POM121L12: variants seen among roughly 807,000 people sequenced by gnomAD.
POM121L12 encodes the protein POM121-like protein 12.
For synonymous variants in POM121L12, 251 were observed against 179.2 expected, an observed-to-expected ratio of 1.40 and a Z score of -3.20; for missense variants, 553 against 409.2, an observed-to-expected ratio of 1.35 and a Z score of -3.03.
rs183972683 is a variant in POM121L12 at position 53,036,923 on chromosome 7, G to A, written c.*361G>A. ...TTGATCTTATTAAAAACATTTGTCT[G>A]CAGAAAATCTATTTATAATAATAAC... On this transcript the variant is annotated 3_prime_UTR_variant, in exon 1 of 1. Transcript: ENST00000408890. 3.6e-4 allele frequency: 78 copies of A among 219,692 alleles called. No individual in the cohort carries two copies. Among genetic ancestry groups the A allele is most frequent in the Non-Finnish European group, 5.9e-4 (63 of 106,790 alleles). The allele number at this position is 219,692 out of a possible 1,614,324, so 13.6% of individuals were successfully genotyped here. A position where few individuals can be genotyped will look rare whatever the true frequency, so the allele number is the denominator to read the frequency against.
rs193120562 is a variant in POM121L12 at position 53,036,175 on chromosome 7, G to A, written c.504G>A (p.Glu168=). ...ARPAGRPAAQ[E]LLDPCTRETL... ...CCGCAGGCCGCCCCGCCGCCCAGGAGCTCCTGGACCCCTGCACCCGGGAGA... is the reference window on the plus strand; with the variant it reads ...CCGCAGGCCGCCCCGCCGCCCAGGAACTCCTGGACCCCTGCACCCGGGAGA... Residue 168 remains glutamate (E), a synonymous_variant, in exon 1 of 1, where the codon GAG becomes GAA. Transcript: ENST00000408890. The A allele has an allele frequency of 2.5e-5, 41 of 1,610,416 alleles. No homozygotes were observed. The African/African-American group carries it at 4.7e-4, about 18-fold the overall frequency.
Position 53,035,812 on chromosome 7 carries a change from G to A in POM121L12, c.141G>A (p.Gln47=). 1.2e-6 allele frequency: 2 copies of A among 1,613,666 alleles called. No individual in the cohort carries two copies. The highest frequency in any genetic ancestry group is 2.2e-5 in the South Asian group (2 of 91,076). The part of the protein sequence containing the change: ...PSTPQTTPSP[Q]GRQSPWPLRS... ...CGCCCCAGACCACGCCATCTCCCCA[G>A]GGTCGCCAGAGTCCCTGGCCCCTGA... Residue 47 remains glutamine, a synonymous_variant, in exon 1 of 1, where the codon CAG becomes CAA. Coordinates refer to ENST00000408890, the MANE Select transcript of POM121L12 (RefSeq NM_182595.4).
At position 53,035,895 on chromosome 7, in the gene POM121L12, CCCACCTCAT is replaced by C. The variant is rs776922820; in HGVS notation, c.226_234del (p.His76_Ile78del). 6.2e-7 allele frequency: 1 copy of C among 1,613,130 alleles called. No individual in the cohort carries two copies. The highest frequency in any genetic ancestry group is 1.3e-5 in the African/African-American group (1 of 74,914). On this transcript the variant is annotated inframe_deletion, in exon 1 of 1. Coordinates refer to ENST00000408890, the MANE Select transcript of POM121L12 (RefSeq NM_182595.4). Reference sequence around the variant, plus strand: ...CAGTGGGGGCGCCCGGTGCCCAGCACCCACCTCATCGAGGTGCGGCCCACCCAGGACCCC... The same window carrying C: ...CAGTGGGGGCGCCCGGTGCCCAGCACCGAGGTGCGGCCCACCCAGGACCCC...
At position 53,036,426 on chromosome 7, in the gene POM121L12, G is replaced by T. The variant is rs1396437335; in HGVS notation, c.755G>T (p.Trp252Leu). 2 of 1,613,718 alleles carry T rather than the reference G, an allele frequency of 1.2e-6. No individual in the cohort carries two copies. Among genetic ancestry groups the T allele is most frequent in the South Asian group, 1.1e-5 (1 of 91,082 alleles). ...AGCCTCAGTTTTTGTGATGATGCTT[G>T]GCCTTCCGTGCTGGTCCAGCCCGCC... ...PWSLSFCDDA[W>L]PSVLVQPAPS... is the part of the protein sequence containing the mutation. The change falls in exon 1 of 1, where the codon TGG (tryptophan) becomes TTG (leucine). Residue 252 changes from tryptophan to leucine, a missense_variant. Physicochemically the swap from Trp to Leu is moderately conservative, Grantham distance 61. Transcript: ENST00000408890.
At position 53,036,448 on chromosome 7, in the gene POM121L12, C is replaced by T. The variant is rs375344700; in HGVS notation, c.777C>T (p.Pro259=). The T allele has an allele frequency of 7.1e-5, 115 of 1,613,706 alleles. 1 individual carries two copies. The South Asian group carries it at 9.2e-4, about 13-fold the overall frequency. The change falls in exon 1 of 1, where the codon CCC becomes CCT. Residue 259 remains proline, a synonymous_variant. Transcript: ENST00000408890. ...CTTGGCCTTCCGTGCTGGTCCAGCC[C>T]GCCCCATCCGCCATCTGGGACTTCT... ...DDAWPSVLVQ[P]APSAIWDFWE...
Position 53,036,298 on chromosome 7 carries a change from C to A in POM121L12, c.627C>A (p.Asn209Lys), listed in dbSNP as rs199551558. ...EVSDSKGGRR[N>K]LQPRPSAFKP... Reference sequence around the variant, plus strand: ...CAGACAGCAAGGGTGGCAGGCGGAACCTGCAGCCCCGGCCCTCTGCCTTCA... The same window carrying A: ...CAGACAGCAAGGGTGGCAGGCGGAAACTGCAGCCCCGGCCCTCTGCCTTCA... The change falls in exon 1 of 1, where the codon AAC (asparagine) becomes AAA (lysine). Residue 209 changes from asparagine (N) to lysine (K), a missense_variant. Physicochemically the swap from Asn to Lys is moderately conservative, Grantham distance 94 (BLOSUM62 0). Coordinates refer to ENST00000408890, the MANE Select transcript of POM121L12 (RefSeq NM_182595.4). 1.5e-4 allele frequency: 243 copies of A among 1,614,094 alleles called. No individual in the cohort carries two copies. The African/African-American group carries it at 2.6e-3, about 17-fold the overall frequency.
Position 53,035,906 on chromosome 7 carries a change from G to C in POM121L12, c.235G>C (p.Glu79Gln), listed in dbSNP as rs764722281. 2.0e-5 allele frequency: 33 copies of C among 1,612,878 alleles called. No individual in the cohort carries two copies. Among genetic ancestry groups the C allele is most frequent in the Non-Finnish European group, 2.8e-5 (33 of 1,179,744 alleles). ...GRPVPSTHLI[E>Q]VRPTQDPAKP... ...CCCGGTGCCCAGCACCCACCTCATC[G>C]AGGTGCGGCCCACCCAGGACCCCGC... Residue 79 changes from glutamate to glutamine, a missense_variant, in exon 1 of 1, where the codon GAG becomes CAG. Coordinates refer to ENST00000408890, the MANE Select transcript of POM121L12 (RefSeq NM_182595.4).
At position 53,035,663 on chromosome 7, in the gene POM121L12, C is replaced by A. The variant is rs563068027; in HGVS notation, c.-9C>A. 6.4e-7 allele frequency: 1 copy of A among 1,551,860 alleles called. No individual in the cohort carries two copies. Among genetic ancestry groups the A allele is most frequent in the Non-Finnish European group, 8.7e-7 (1 of 1,147,586 alleles). Reference sequence around the variant, plus strand: ...TTCCAAGCGCCCAGAGGCCAACGGTCCCCCAGCCATGGGCGCTGCAGCTCC... The same window carrying A: ...TTCCAAGCGCCCAGAGGCCAACGGTACCCCAGCCATGGGCGCTGCAGCTCC... On this transcript the variant is annotated 5_prime_UTR_variant, in exon 1 of 1. Transcript: ENST00000408890.
In POM121L12 at chr7:53,035,943, G is replaced by A. The variant is rs762476501; in HGVS notation, c.272G>A (p.Arg91Gln). ...ACCCAGGACCCCGCCAAGCCGCAGCGGGTGGTCTCCGAGGGCTGGAGGCGC... is the reference window on the plus strand; with the variant it reads ...ACCCAGGACCCCGCCAAGCCGCAGCAGGTGGTCTCCGAGGGCTGGAGGCGC... Reference protein sequence around the residue: ...RPTQDPAKPQRVVSEGWRRPA... With the variant: ...RPTQDPAKPQQVVSEGWRRPA... Residue 91 changes from arginine to glutamine, a missense_variant, in exon 1 of 1, where the codon CGG becomes CAG. Coordinates refer to ENST00000408890, the MANE Select transcript of POM121L12 (RefSeq NM_182595.4). The A allele has an allele frequency of 1.1e-4, 172 of 1,612,614 alleles. No individual in the cohort carries two copies. Among genetic ancestry groups the A allele is most frequent in the Admixed American group, 1.3e-4 (8 of 59,970 alleles).
rs1320893914 is a variant in POM121L12 at position 53,036,371 on chromosome 7, G to A, written c.700G>A (p.Gly234Arg). 1.2e-6 allele frequency: 2 copies of A among 1,613,668 alleles called. No individual in the cohort carries two copies. Among genetic ancestry groups the A allele is most frequent in the East Asian group, 2.2e-5 (1 of 44,836 alleles). Residue 234 changes from glycine (G) to arginine (R), a missense_variant, in exon 1 of 1, where the codon GGG becomes AGG. Transcript: ENST00000408890. ...GAVASFVPRP[G>R]PLKPSLGPWS... Reference sequence around the variant, plus strand: ...GGTTGCTTCCTTCGTGCCCAGGCCAGGGCCTCTGAAGCCGAGCCTCGGCCC... The same window carrying A: ...GGTTGCTTCCTTCGTGCCCAGGCCAAGGCCTCTGAAGCCGAGCCTCGGCCC...
chr7:53,036,692 G>T lies in POM121L12; in HGVS notation c.*130G>T. 2 of 997,776 alleles carry T rather than the reference G, an allele frequency of 2.0e-6. No homozygotes were observed. Among genetic ancestry groups the T allele is most frequent in the South Asian group, 3.4e-5 (2 of 58,186 alleles). 61.8% of individuals were successfully genotyped at this position (997,776 alleles called of 1,614,324 possible). A position where few individuals can be genotyped will look rare whatever the true frequency, so the allele number is the denominator to read the frequency against. ...CAAACATGCAGCCCCCACACCCCTCGTCTGCCCGCCCCCAGATCTTCCCTC... is the reference window on the plus strand; with the variant it reads ...CAAACATGCAGCCCCCACACCCCTCTTCTGCCCGCCCCCAGATCTTCCCTC... On this transcript the variant is annotated 3_prime_UTR_variant, in exon 1 of 1. Coordinates refer to ENST00000408890, the MANE Select transcript of POM121L12 (RefSeq NM_182595.4).
chr7:53,036,067 G>T lies in POM121L12; in HGVS notation c.396G>T (p.Arg132=), dbSNP rs776080612. 1 of 1,612,958 alleles carries T rather than the reference G, an allele frequency of 6.2e-7. No individual in the cohort carries two copies. Among genetic ancestry groups the T allele is most frequent in the South Asian group, 1.1e-5 (1 of 91,080 alleles). Residue 132 remains arginine (R), a synonymous_variant, in exon 1 of 1, where the codon CGG becomes CGT. Transcript: ENST00000408890. The part of the protein sequence containing the change: ...GGLCRAWNPG[R]TWSPVTIGIA... The stretch of plus-strand genomic sequence containing the variant: ...TGTGTCGTGCCTGGAACCCAGGACG[G>T]ACCTGGAGCCCGGTGACCATCGGGA...
In POM121L12 at chr7:53,036,132, C is replaced by T; in HGVS notation, c.461C>T (p.Pro154Leu). ...CGTCAGGAGAGCCCCTGGAGATCCCCTGGACAGAGAGCCCGCCCCGCAGGC... is the reference window on the plus strand; with the variant it reads ...CGTCAGGAGAGCCCCTGGAGATCCCTTGGACAGAGAGCCCGCCCCGCAGGC... ...PERQESPWRS[P>L]GQRARPAGRP... The change falls in exon 1 of 1, where the codon CCT (proline) becomes CTT (leucine). Residue 154 changes from proline to leucine, a missense_variant. Pro to Leu is a moderately conservative substitution (Grantham distance 98). Coordinates refer to ENST00000408890, the MANE Select transcript of POM121L12 (RefSeq NM_182595.4). 6.2e-7 allele frequency: 1 copy of T among 1,611,384 alleles called. No homozygotes were observed. The highest frequency in any genetic ancestry group is 8.5e-7 in the Non-Finnish European group (1 of 1,179,624).
In POM121L12 at chr7:53,035,677, C is replaced by A. The variant is rs760554465; in HGVS notation, c.6C>A (p.Gly2=). The stretch of plus-strand genomic sequence containing the variant: ...AGGCCAACGGTCCCCCAGCCATGGG[C>A]GCTGCAGCTCCGGCCGAGTCCGCAG... M[G]AAAPAESADL... is the part of the protein sequence containing the mutation. The change falls in exon 1 of 1, where the codon GGC becomes GGA. Residue 2 remains glycine, a synonymous_variant. Transcript: ENST00000408890. 19 of 1,572,398 alleles carry A rather than the reference C, an allele frequency of 1.2e-5. No individual in the cohort carries two copies. The highest frequency in any genetic ancestry group is 1.6e-5 in the Non-Finnish European group (19 of 1,159,004).
At position 53,036,617 on chromosome 7, in the gene POM121L12, A is replaced by T; in HGVS notation, c.*55A>T. 1 of 1,532,620 alleles carries T rather than the reference A, an allele frequency of 6.5e-7. No individual in the cohort carries two copies. The highest frequency in any genetic ancestry group is 8.8e-7 in the Non-Finnish European group (1 of 1,137,638). 94.9% of individuals were successfully genotyped at this position (1,532,620 alleles called of 1,614,324 possible). A position where few individuals can be genotyped will look rare whatever the true frequency, so the allele number is the denominator to read the frequency against. On this transcript the variant is annotated 3_prime_UTR_variant, in exon 1 of 1. Transcript: ENST00000408890. ...GACACAAGCCCACGTATCTACTTTC[A>T]CTTGCTCATCCTTGCTCTACCTCAA...
In POM121L12 at chr7:53,036,793, C is replaced by T. The variant is rs908393841; in HGVS notation, c.*231C>T. 7 of 513,708 alleles carry T rather than the reference C, an allele frequency of 1.4e-5. No homozygotes were observed. The highest frequency in any genetic ancestry group is 2.1e-5 in the Non-Finnish European group (6 of 284,588). The allele number at this position is 513,708 out of a possible 1,614,324, so 31.8% of individuals were successfully genotyped here. Reference sequence around the variant, plus strand: ...CCCTGCTGGCCCTCTCCTCCCTGCCCTTCTTCCTGCCCTTCCTCTGAAAAG... The same window carrying T: ...CCCTGCTGGCCCTCTCCTCCCTGCCTTTCTTCCTGCCCTTCCTCTGAAAAG... On this transcript the variant is annotated 3_prime_UTR_variant, in exon 1 of 1. Transcript: ENST00000408890.
Position 53,036,245 on chromosome 7 carries a change from T to C in POM121L12, c.574T>C (p.Phe192Leu), listed in dbSNP as rs776706171. The change falls in exon 1 of 1, where the codon TTC becomes CTC. Residue 192 changes from phenylalanine to leucine, a missense_variant. Physicochemically the swap from Phe to Leu is conservative, Grantham distance 22. Transcript: ENST00000408890. ...LSQCPKGSAR[F>L]DGPLWFEVSD... ...CCAGTGCCCCAAGGGAAGCGCTAGGTTCGACGGGCCGTTGTGGTTCGAGGT... is the reference window on the plus strand; with the variant it reads ...CCAGTGCCCCAAGGGAAGCGCTAGGCTCGACGGGCCGTTGTGGTTCGAGGT... The C allele has an allele frequency of 2.5e-6, 4 of 1,613,848 alleles. No homozygotes were observed. Among genetic ancestry groups the C allele is most frequent in the Non-Finnish European group, 3.4e-6 (4 of 1,179,926 alleles).
At chr7:53,036,550 CT>C in the POM121L12 span, 1 of 1,605,618 alleles carries the variant, frequency 6.2e-7, no homozygotes, top group Non-Finnish European at 8.5e-7. Context: ...CTGCTGGCCC[CT>C]TTGGCTCCTA....
In POM121L12 at chr7:53,035,760, C is replaced by T. The variant is rs775207110; in HGVS notation, c.89C>T (p.Ala30Val). ...CTGCTGCAAGGCCCCGACGCCCTGG[C>T]GGCTCCCATGAGCAGGTCACCCAGC... ...EPLLQGPDAL[A>V]APMSRSPSTP... Residue 30 changes from alanine (A) to valine (V), a missense_variant, in exon 1 of 1, where the codon GCG (alanine) becomes GTG (valine). Coordinates refer to ENST00000408890, the MANE Select transcript of POM121L12 (RefSeq NM_182595.4). 21 of 1,613,414 alleles carry T rather than the reference C, an allele frequency of 1.3e-5. No individual in the cohort carries two copies. Among genetic ancestry groups the T allele is most frequent in the Middle Eastern group, 1.7e-4 (1 of 6,052 alleles).
Sources: allele counts gnomAD v4.1 joint callset, GRCh38; gene constraint gnomAD v4.1.1; transcripts MANE v1.5; gene names NCBI Gene and HGNC (gene_info 2026-07-23, HGNC 2026-07-21).